LIMCH1: variants seen among roughly 807,000 people sequenced by gnomAD.
LIMCH1 encodes the protein LIM and calponin homology domains 1.
Under a neutral mutation model 176.5 loss-of-function variants are expected in LIMCH1, and 113 were observed. The observed-to-expected ratio is 0.64, with a 90% confidence interval of 0.55 to 0.75. The LOEUF (loss-of-function observed/expected upper bound fraction) is 0.75, where lower values mean the gene tolerates loss of function less well. Ranked by LOEUF, LIMCH1 falls within the 30% of genes least tolerant of loss-of-function variation. The pLI is 0.00. For synonymous variants in LIMCH1, 619 were observed against 645.9 expected (o/e 0.96, Z 0.63); for missense variants, 1,674 against 1,814.9 (o/e 0.92, Z 1.41).
chr4:41,538,339 G>A lies in LIMCH1; in HGVS notation c.-252G>A, dbSNP rs1280315431. The A allele has an allele frequency of 1.0e-5, 10 of 985,266 alleles. No homozygotes were observed. The highest frequency in any genetic ancestry group is 1.2e-5 in the Non-Finnish European group (10 of 829,924). The allele number at this position is 985,266 out of a possible 1,614,324, so 61.0% of individuals were successfully genotyped here. ...GGCTGGAGTTCATTGCGGAGCATGA[G>A]GACGTGTGGGGGTAAGTAAAATTCA... On this transcript the variant is annotated 5_prime_UTR_variant, in exon 1 of 32. Transcript: ENST00000503057.
At chr4:41,459,694 A>G (rs1229071451) in intron 1 of LIMCH1, among the ~76,000 whole-genome samples, 1 of 152,174 alleles carries the variant, frequency 6.6e-6, no homozygotes, top group Non-Finnish European at 1.5e-5. Flanking sequence ...GCAGGGAAGC[A>G]ACCCAGAGAT....
chr4:41,388,920 G>A (rs1211043473), intron 1 of LIMCH1, among the ~76,000 whole-genome samples: 1 of 152,228 alleles, frequency 6.6e-6, no homozygotes, highest in Non-Finnish European at 1.5e-5. Flanking sequence ...TGGGATTACA[G>A]GCGTGAGCCA....
At chr4:41,598,620 T>C (rs2089362205) in intron 1 of LIMCH1, among the ~76,000 whole-genome samples, 2 of 152,190 alleles carry the variant, frequency 1.3e-5, no homozygotes, top group South Asian at 4.1e-4. Flanking sequence ...ATACCTGTTT[T>C]TGAGTACAGT....
chr4:41,602,618 A>G (rs895049287), intron 2 of LIMCH1, among the ~76,000 whole-genome samples: 1 of 152,024 alleles, frequency 6.6e-6, no homozygotes, highest in Non-Finnish European at 1.5e-5. Flanking sequence ...GGAGATGGAG[A>G]CCAACATGGT....
intron 1 of LIMCH1, among the ~76,000 whole-genome samples, chr4:41,416,871 T>C (rs1427276515): frequency 6.6e-6 from 1 of 152,146 alleles, no homozygotes; most frequent in African/African-American, 2.4e-5. Flanking sequence ...AAACCTAGTT[T>C]CTCAGAAAGA....
At chr4:41,511,392 T>A (rs1021517452) in intron 2 of LIMCH1, among the ~76,000 whole-genome samples, 10 of 152,228 alleles carry the variant, frequency 6.6e-5, no homozygotes, top group Admixed American at 5.9e-4. Context: ...AATTCAGTCC[T>A]CTGAGCACCC....
chr4:41,564,579 G>A (rs1004988311), intron 1 of LIMCH1, among the ~76,000 whole-genome samples: 1 of 152,124 alleles, frequency 6.6e-6, no homozygotes, highest in Non-Finnish European at 1.5e-5. Context: ...TGTCCTCAGT[G>A]AAATTAATGT....
intron 22 of LIMCH1, among the ~76,000 whole-genome samples, chr4:41,675,416 C>G (rs1211666745): frequency 6.6e-6 from 1 of 152,100 alleles, no homozygotes; most frequent in East Asian, 1.9e-4. Flanking sequence ...GCACCCCTCC[C>G]CACCCCAACC....
intron 1 of LIMCH1, among the ~76,000 whole-genome samples, chr4:41,564,036 A>G (rs978615094): frequency 2.0e-5 from 3 of 152,284 alleles, no homozygotes; most frequent in African/African-American, 7.2e-5. Flanking sequence ...TGGTTAAGTG[A>G]CTTACCCTAG....
intron 1 of LIMCH1, among the ~76,000 whole-genome samples, chr4:41,363,093 G>A (rs527401183): frequency 6.6e-6 from 1 of 152,278 alleles, no homozygotes; most frequent in South Asian, 2.1e-4. Flanking sequence ...AAAGGTAATT[G>A]CTCCAGGGGA....
chr4:41,459,304 T>G (rs2065010565), intron 1 of LIMCH1, among the ~76,000 whole-genome samples: 1 of 152,068 alleles, frequency 6.6e-6, no homozygotes, highest in Non-Finnish European at 1.5e-5. Flanking sequence ...CCTCTGTCCC[T>G]TCCTTCCTTC....
In LIMCH1 at chr4:41,646,611, G is replaced by A. The variant is rs768494036; in HGVS notation, c.2538G>A (p.Glu846=). ...TISEAVLERL[E]MPKILERSHS... ...GTGAGGCTGTTCTCGAACGCTTGGA[G>A]ATGCCAAAAATTCTGGAAAGAAGCC... Residue 846 remains glutamate (E), a synonymous_variant, in exon 17 of 32, where the codon GAG becomes GAA. Coordinates refer to ENST00000503057, the MANE Select transcript of LIMCH1 (RefSeq NM_001330672.2). 2.5e-6 allele frequency: 4 copies of A among 1,614,202 alleles called. No individual in the cohort carries two copies. The East Asian group carries it at 8.9e-5, about 36-fold the overall frequency.
chr4:41,565,967 A>G (rs1584207625), intron 1 of LIMCH1, among the ~76,000 whole-genome samples: 2 of 152,320 alleles, frequency 1.3e-5, no homozygotes, highest in East Asian at 3.9e-4. Flanking sequence ...AACCCTGACA[A>G]CTTATACTGT....
chr4:41,534,959 A>C (rs1440602870), upstream of LIMCH1, among the ~76,000 whole-genome samples: 1 of 152,060 alleles, frequency 6.6e-6, no homozygotes, highest in African/African-American at 2.4e-5. Context: ...CCAGGAGTTC[A>C]AGACCAGCCT....
intron 1 of LIMCH1, among the ~76,000 whole-genome samples, chr4:41,392,795 C>A (rs1421897329): frequency 6.6e-6 from 1 of 152,096 alleles, no homozygotes; most frequent in Non-Finnish European, 1.5e-5. Context: ...CTGTGGGAGG[C>A]CGAGGCAGGT....
chr4:41,514,772 C>G (rs2075374407), intron 2 of LIMCH1, among the ~76,000 whole-genome samples: 1 of 152,178 alleles, frequency 6.6e-6, no homozygotes, highest in African/African-American at 2.4e-5. Context: ...TCCCAAGGAG[C>G]AGCAGAAATC....
intron 1 of LIMCH1, among the ~76,000 whole-genome samples, chr4:41,484,380 T>G (rs2069160651): frequency 6.6e-6 from 1 of 152,250 alleles, no homozygotes; most frequent in Non-Finnish European, 1.5e-5. Flanking sequence ...TGATTTCTAA[T>G]TATGGCTTAC....
intron 1 of LIMCH1, among the ~76,000 whole-genome samples, chr4:41,483,812 TC>T (rs1198167121): frequency 2.6e-5 from 4 of 152,212 alleles, no homozygotes; most frequent in African/African-American, 9.6e-5. Context: ...TCAAGGGCCT[TC>T]CCTGACTGTC....
intron 1 of LIMCH1, among the ~76,000 whole-genome samples, chr4:41,462,764 T>C (rs564663667): frequency 4.6e-5 from 7 of 152,284 alleles, no homozygotes; most frequent in African/African-American, 1.7e-4. Context: ...GGCTTGGATA[T>C]GAAACATAAA....
Sources: allele counts gnomAD v4.1 joint callset (sites outside exome capture counted in the v4.1 genomes callset), GRCh38; gene constraint gnomAD v4.1.1; transcripts MANE v1.5; gene names NCBI Gene and HGNC (gene_info 2026-07-23, HGNC 2026-07-21).